ZNF423: variants seen among roughly 807,000 people sequenced by gnomAD.
ZNF423 encodes the protein Ebf-associated zinc finger protein.
ZNF423 carries 12 observed loss-of-function variants against 95.8 expected under a neutral mutation model. The ratio of observed to expected loss-of-function variants is 0.13; its 90% CI spans 0.08 to 0.20. The LOEUF (loss-of-function observed/expected upper bound fraction) is 0.20. Ranked by LOEUF, ZNF423 falls within the 10% of genes least tolerant of loss-of-function variation. The pLI is 1.00. For synonymous variants in ZNF423, 749 were observed against 711.9 expected, an observed-to-expected ratio of 1.05 and a Z score of -0.83; for missense variants, 1,316 against 1,737.1, an observed-to-expected ratio of 0.76 and a Z score of 4.31.
intron 5 of ZNF423, 24 bp downstream of exon 5, chr16:49,626,146 G>T (rs1008349840): frequency 6.2e-7 from 1 of 1,608,782 alleles, no homozygotes; most frequent in Non-Finnish European, 8.5e-7. Flanking sequence ...GCTCCAGCAT[G>T]GCTGGGAGGA....
chr16:49,522,645 CAT>C (rs1422096457), intron 7 of ZNF423, among the ~76,000 whole-genome samples: 4 of 152,246 alleles, frequency 2.6e-5, no homozygotes, highest in Non-Finnish European at 4.4e-5. Flanking sequence ...TATCTGTGGA[CAT>C]GAGTGTGGTC....
chr16:49,594,808 G>C (rs543103115), intron 5 of ZNF423, among the ~76,000 whole-genome samples: 12 of 152,184 alleles, frequency 7.9e-5, no homozygotes, highest in African/African-American at 2.4e-4. Flanking sequence ...AGAACAACAT[G>C]ATACACAGAG....
chr16:49,736,816 T>C (rs1005561165), intron 2 of ZNF423, among the ~76,000 whole-genome samples: 4 of 152,072 alleles, frequency 2.6e-5, no homozygotes, highest in African/African-American at 9.7e-5. Context: ...AGTAGTGAAT[T>C]TTCCCACCTC....
chr16:49,790,839 A>G (rs1373750728), intron 1 of ZNF423, among the ~76,000 whole-genome samples: 3 of 152,222 alleles, frequency 2.0e-5, no homozygotes, highest in Non-Finnish European at 4.4e-5. Flanking sequence ...TGGGAGGATT[A>G]AATGGGATAA....
rs936083608 is a variant in ZNF423, at chr16:49,603,007, C to T, written c.3601+23163G>A. On this transcript the variant is annotated intron_variant, in intron 5 of 7. Coordinates refer to ENST00000563137, the MANE Select transcript of ZNF423 (RefSeq NM_001379286.1). The surrounding 1 kb of genome is among the most constrained non-coding windows in gnomAD (Gnocchi z 4.1). The stretch of plus-strand genomic sequence containing the variant: ...GCGTGGAGCCCTGGCACCTCGGTTT[C>T]GCAGAGAAACGTGTCCCTGAAATGC... Among the ~76,000 whole-genome samples the T allele has an allele frequency of 1.1e-4, 17 of 152,150 alleles. No homozygotes were observed. The highest frequency in any genetic ancestry group is 3.6e-4 in the African/African-American group (15 of 41,452).
At chr16:49,785,612 C>T (rs2034297914) in intron 2 of ZNF423, among the ~76,000 whole-genome samples, 1 of 152,096 alleles carries the variant, frequency 6.6e-6, no homozygotes, top group East Asian at 1.9e-4. Flanking sequence ...CTTTTAAAAC[C>T]TCTGAAGATC....
chr16:49,783,794 A>C (rs945032050), intron 2 of ZNF423, among the ~76,000 whole-genome samples: 3 of 151,862 alleles, frequency 2.0e-5, no homozygotes, highest in Non-Finnish European at 4.4e-5. Flanking sequence ...ACATGGTGAA[A>C]CCCCGTCTCT....
At chr16:49,651,535 G>T (rs979923980) in intron 3 of ZNF423, among the ~76,000 whole-genome samples, 1 of 152,164 alleles carries the variant, frequency 6.6e-6, no homozygotes, top group African/African-American at 2.4e-5. Context: ...CGGCAGCAGG[G>T]CTTAGACTCC....
chr16:49,568,220 T>C lies in ZNF423; in HGVS notation c.3602-42726A>G, dbSNP rs146469533. On this transcript the variant is annotated intron_variant, in intron 5 of 7. Transcript: ENST00000563137. ...CAATTGTAAGAATTTTCTGGTATTA[T>C]GGAGGTTAAAGGACTCTCCTGTCAT... Among the ~76,000 whole-genome samples, 578 of 152,284 alleles carry C rather than the reference T, an allele frequency of 3.8e-3. 4 individuals carry two copies. Among genetic ancestry groups the C allele is most frequent in the African/African-American group, 0.013 (557 of 41,552 alleles).
At chr16:49,518,030 T>G (rs1223583603) in intron 7 of ZNF423, 2 of 451,216 alleles carry the variant, frequency 4.4e-6, no homozygotes, top group Non-Finnish European at 8.8e-6. Flanking sequence ...CACTTCCTCC[T>G]GGTGATGATA....
chr16:49,524,360 G>GC (rs1238965241), intron 6 of ZNF423, among the ~76,000 whole-genome samples: 1 of 152,164 alleles, frequency 6.6e-6, no homozygotes, highest in Non-Finnish European at 1.5e-5. Context: ...GCATCCTCGG[G>GC]CCCCCACACA....
chr16:49,698,449 C>T (rs1158608824), intron 3 of ZNF423, among the ~76,000 whole-genome samples: 1 of 152,196 alleles, frequency 6.6e-6, no homozygotes, highest in Non-Finnish European at 1.5e-5. Flanking sequence ...GCAGGTCCGC[C>T]AACCATCCCC....
chr16:49,787,338 A>T (rs2034331555), intron 2 of ZNF423, among the ~76,000 whole-genome samples: 1 of 152,224 alleles, frequency 6.6e-6, no homozygotes, highest in African/African-American at 2.4e-5. Flanking sequence ...CAAAGAAAAC[A>T]AAACAATTCC....
chr16:49,815,438 C>T (rs2034821655), intron 1 of ZNF423, among the ~76,000 whole-genome samples: 3 of 152,120 alleles, frequency 2.0e-5, no homozygotes, highest in Admixed American at 2.0e-4. Context: ...GCTTCTGCTT[C>T]ATCAGGCACA....
chr16:49,806,396 GGAA>G (rs1335093911), intron 1 of ZNF423, among the ~76,000 whole-genome samples: 1 of 152,240 alleles, frequency 6.6e-6, no homozygotes, highest in Non-Finnish European at 1.5e-5. Flanking sequence ...CGGGTGGAAA[GGAA>G]GAAGCAGGTA....
intron 2 of ZNF423, among the ~76,000 whole-genome samples, chr16:49,733,976 G>A (rs915756449): frequency 6.6e-6 from 1 of 152,058 alleles, no homozygotes; most frequent in Non-Finnish European, 1.5e-5. Flanking sequence ...GCCTCTGCAA[G>A]GCCACCCAAA....
intron 2 of ZNF423, among the ~76,000 whole-genome samples, chr16:49,741,364 G>A (rs1250226578): frequency 5.3e-5 from 8 of 152,042 alleles, no homozygotes; most frequent in Non-Finnish European, 8.8e-5. Flanking sequence ...AAAATTAGCC[G>A]GGCATGGTGG....
At chr16:49,496,846 GC>G (rs966059278) in intron 7 of ZNF423, among the ~76,000 whole-genome samples, 12 of 152,270 alleles carry the variant, frequency 7.9e-5, no homozygotes, top group African/African-American at 2.6e-4. Context: ...GGGACTGTTT[GC>G]TCCCTGCCAC....
intron 1 of ZNF423, among the ~76,000 whole-genome samples, chr16:49,798,142 C>T (rs553750386): frequency 4.6e-4 from 70 of 152,226 alleles, no homozygotes; most frequent in East Asian, 1.2e-3. Flanking sequence ...CCCAGGAGTT[C>T]GAGGCTGCAG....
Sources: allele counts gnomAD v4.1 joint callset (sites outside exome capture counted in the v4.1 genomes callset), GRCh38; gene constraint gnomAD v4.1.1; non-coding constraint Gnocchi (gnomAD v3.1); transcripts MANE v1.5; gene names NCBI Gene and HGNC (gene_info 2026-07-23, HGNC 2026-07-21).